Variants in HPSE2 observed in about 807,000 individuals in gnomAD.
HPSE2 encodes the protein heparanase 2 (inactive).
In HPSE2, 38 loss-of-function variants were observed where a neutral mutation model predicts 60.5. The ratio of observed to expected loss-of-function variants is 0.63; its 90% confidence interval spans 0.48 to 0.82. The LOEUF is 0.82. Among genes scored for constraint, HPSE2 ranks in the 40% least tolerant of loss-of-function variants. The pLI, the probability that HPSE2 is intolerant of heterozygous loss-of-function variation, is 0.00. For missense variants in HPSE2, 713 were observed against 740.4 expected, an observed-to-expected ratio of 0.96 and a Z score of 0.43; for synonymous variants, 295 against 293.2, an observed-to-expected ratio of 1.01 and a Z score of -0.06.
Position 98,693,930 on chromosome 10 carries a change from C to T in HPSE2, c.974G>A (p.Gly325Glu). The change falls in exon 6 of 12, where the codon GGA becomes GAA. Residue 325 changes from glycine to glutamate, a missense_variant. Physicochemically the swap from Gly to Glu is moderately conservative, Grantham distance 98. Transcript: ENST00000370552. ...CCAGGTAACTGCATCTACTGTACTT[C>T]CTGCCACCTTCATGAATCTGTAAGG... ...ALLDGFMKVA[G>E]STVDAVTWQH... 6.2e-7 allele frequency: 1 copy of T among 1,613,120 alleles called. No individual in the cohort carries two copies. The highest frequency in any genetic ancestry group is 8.5e-7 in the Non-Finnish European group (1 of 1,179,138).
chr10:98,623,327 A>G (rs556184482), intron 7 of HPSE2, among the ~76,000 whole-genome samples: 9 of 152,078 alleles, frequency 5.9e-5, no homozygotes, highest in Non-Finnish European at 1.2e-4. Flanking sequence ...AAGAAGAGGA[A>G]GTTTAAGATG....
At chr10:98,462,342 C>T (rs1460360669) in intron 11 of HPSE2, among the ~76,000 whole-genome samples, 1 of 152,114 alleles carries the variant, frequency 6.6e-6, no homozygotes, top group Non-Finnish European at 1.5e-5. Context: ...CCACACCTGG[C>T]TAATTTTCGT....
At chr10:99,077,339 A>C (rs1450720195) in intron 3 of HPSE2, among the ~76,000 whole-genome samples, 1 of 152,140 alleles carries the variant, frequency 6.6e-6, no homozygotes, top group Non-Finnish European at 1.5e-5. Flanking sequence ...AGGAACATTC[A>C]TAATATGTCT....
chr10:98,984,142 T>C (rs868795919), intron 3 of HPSE2, among the ~76,000 whole-genome samples: 9 of 151,872 alleles, frequency 5.9e-5, no homozygotes, highest in Middle Eastern at 3.4e-3. Flanking sequence ...TTGAAGAGAG[T>C]AGTGGTTCTC....
chr10:99,309,733 C>G, the HPSE2 span, among the ~76,000 whole-genome samples: 1 of 152,178 alleles, frequency 6.6e-6, no homozygotes, highest in African/African-American at 2.4e-5. Flanking sequence ...TTATTAATAT[C>G]TGGCCCACCA....
intron 3 of HPSE2, among the ~76,000 whole-genome samples, chr10:98,760,153 C>T (rs1459841983): frequency 6.6e-6 from 1 of 151,986 alleles, no homozygotes; most frequent in South Asian, 2.1e-4. Flanking sequence ...GTACTGAATT[C>T]ATTTATTAAT....
At chr10:98,556,437 A>T (rs781472053) in intron 9 of HPSE2, among the ~76,000 whole-genome samples, 1 of 152,254 alleles carries the variant, frequency 6.6e-6, no homozygotes, top group African/African-American at 2.4e-5. Context: ...ATTCAAAAGA[A>T]TCTACAAACT....
intron 9 of HPSE2, among the ~76,000 whole-genome samples, chr10:98,595,553 T>C (rs1189608194): frequency 3.9e-5 from 6 of 152,234 alleles, no homozygotes; most frequent in Non-Finnish European, 4.4e-5. Flanking sequence ...ATTGGTTTTA[T>C]ATCCTGCAAT....
intron 9 of HPSE2, among the ~76,000 whole-genome samples, chr10:98,587,292 C>A (rs1008193073): frequency 6.6e-6 from 1 of 152,154 alleles, no homozygotes; most frequent in Non-Finnish European, 1.5e-5. Flanking sequence ...GAGCAAAGCA[C>A]ACGCTGATTG....
chr10:99,012,296 C>T (rs1465432032), intron 3 of HPSE2, among the ~76,000 whole-genome samples: 1 of 152,046 alleles, frequency 6.6e-6, no homozygotes, highest in Non-Finnish European at 1.5e-5. Flanking sequence ...GATAATTACT[C>T]ATTGTACAAT....
chr10:98,509,969 A>G (rs186366140), intron 9 of HPSE2, among the ~76,000 whole-genome samples: 5,423 of 151,800 alleles, frequency 0.036, 304 homozygotes, highest in African/African-American at 0.12. Context: ...ACACACACAC[A>G]CGCACACACA....
rs145873575 is a variant in HPSE2 at position 99,212,315 on chromosome 10, T to C, written c.448+20033A>G. Among the ~76,000 whole-genome samples the C allele has an allele frequency of 2.5e-3, 385 of 152,196 alleles. 2 individuals are homozygous for C. Among genetic ancestry groups the C allele is most frequent in the African/African-American group, 8.8e-3 (364 of 41,550 alleles). On this transcript the variant is annotated intron_variant, in intron 2 of 11. Coordinates refer to ENST00000370552, the MANE Select transcript of HPSE2 (RefSeq NM_021828.5). ...CAGCAATCCCACTACTAGATATATA[T>C]ACATAGGAAATGAAATCACTATGTC... is the stretch of plus-strand genomic sequence containing the variant.
At chr10:98,600,911 G>GTATATATGTGTGTA (rs576143051) in intron 9 of HPSE2, among the ~76,000 whole-genome samples, 2 of 73,722 alleles carry the variant, frequency 2.7e-5, no homozygotes, top group African/African-American at 7.4e-5. Flanking sequence ...ATGTGTGTGT[G>GTATATATGTGTGTA]TATATATATA....
chr10:98,882,753 G>A (rs1223825321), intron 3 of HPSE2, among the ~76,000 whole-genome samples: 1 of 152,050 alleles, frequency 6.6e-6, no homozygotes, highest in Non-Finnish European at 1.5e-5. Context: ...TTAACACAGA[G>A]AGTTTATGGG....
chr10:99,090,104 T>C (rs1456106275), intron 3 of HPSE2, among the ~76,000 whole-genome samples: 4 of 152,122 alleles, frequency 2.6e-5, no homozygotes, highest in African/African-American at 7.2e-5. Flanking sequence ...TATACAATCA[T>C]GTCATCAGCA....
chr10:98,577,192 T>G (rs989547533), intron 9 of HPSE2, among the ~76,000 whole-genome samples: 13 of 151,774 alleles, frequency 8.6e-5, no homozygotes, highest in African/African-American at 2.9e-4. Flanking sequence ...GCTGATTACT[T>G]TAACTTGTCT....
chr10:98,761,176 AT>A (rs1949996271), intron 3 of HPSE2, among the ~76,000 whole-genome samples: 1 of 151,968 alleles, frequency 6.6e-6, no homozygotes, highest in Non-Finnish European at 1.5e-5. Context: ...TTCCTTTATA[AT>A]TTTATTTAAG....
the HPSE2 span, among the ~76,000 whole-genome samples, chr10:99,288,963 A>T: frequency 6.6e-6 from 1 of 152,200 alleles, no homozygotes; most frequent in South Asian, 2.1e-4. Context: ...TCATAGTATT[A>T]GTAATCATTA....
intron 3 of HPSE2, among the ~76,000 whole-genome samples, chr10:98,837,974 TA>T (rs1475323385): frequency 6.6e-6 from 1 of 151,984 alleles, no homozygotes; most frequent in African/African-American, 2.4e-5. Flanking sequence ...ACCAGAGTAA[TA>T]GATACATGAA....
Sources: gnomAD v4.1 joint callset for allele counts (sites outside exome capture counted in the v4.1 genomes callset) on GRCh38, gnomAD v4.1.1 for gene constraint, MANE v1.5 for transcripts, NCBI Gene and HGNC (gene_info 2026-07-23, HGNC 2026-07-21) for gene names.